The following ANTXRL variants were observed in gnomAD, a reference collection of about 807,000 sequenced individuals.
ANTXRL encodes the protein ANTXR like, also known as anthrax toxin receptor-like.
Under a neutral mutation model 75.4 loss-of-function variants are expected in ANTXRL, and 63 were observed. The ratio of observed to expected loss-of-function variants is 0.84; its 90% confidence interval spans 0.68 to 1.03. The LOEUF is 1.03. ANTXRL is among the 50% of genes least tolerant of loss of function. The probability of loss-of-function intolerance (pLI) is 0.00; values close to 1 mark genes in which losing one functional copy is unlikely to be tolerated. For missense variants in ANTXRL, 797 were observed against 789.4 expected, an observed-to-expected ratio of 1.01 and a Z score of -0.12; for synonymous variants, 335 against 291.3, an observed-to-expected ratio of 1.15 and a Z score of -1.53.
chr10:46,329,995 C>A lies in ANTXRL; in HGVS notation c.1807C>A (p.Pro603Thr). The A allele has an allele frequency of 1.3e-6, 2 of 1,535,554 alleles. No individual in the cohort carries two copies. The highest frequency in any genetic ancestry group is 1.7e-6 in the Non-Finnish European group (2 of 1,146,636). Residue 603 changes from proline (P) to threonine (T), a missense_variant, in exon 17 of 17, where the codon CCC becomes ACC. By Grantham distance (38) the Pro-to-Thr change is conservative. Transcript: ENST00000620264. ...CCCCCCAGCTAGGTGCTTGAGGCCT[C>A]CCTCCAGGATGCTGCCGCTGCTGTC... ...RLPPARCLRP[P>T]SRMLPLLSPL...
intron 16 of ANTXRL, among the ~76,000 whole-genome samples, chr10:46,313,754 T>C (rs1838567061): frequency 6.6e-6 from 1 of 152,200 alleles, no homozygotes; most frequent in Non-Finnish European, 1.5e-5. Context: ...GGCTAAGCCA[T>C]GCTTTCACTG....
At chr10:46,306,909 C>T (rs1838126616) in intron 11 of ANTXRL, 37 bp downstream of exon 11, 23 of 1,484,878 alleles carry the variant, frequency 1.5e-5, no homozygotes, top group Non-Finnish European at 1.9e-5. Flanking sequence ...GGGCAAGAGA[C>T]CAGGGAGTCA....
At chr10:46,317,481 C>T in intron 16 of ANTXRL, among the ~76,000 whole-genome samples, 1 of 152,152 alleles carries the variant, frequency 6.6e-6, no homozygotes, top group East Asian at 1.9e-4. Context: ...GCATTCATGA[C>T]CATGGAGCTC....
Position 46,327,757 on chromosome 10 carries a change from G to A in ANTXRL, c.1411-1842G>A, listed in dbSNP as rs72790494. 4.0e-3 allele frequency among the ~76,000 whole-genome samples: 608 copies of A among 152,254 alleles called. 3 individuals carry two copies. Among genetic ancestry groups the A allele is most frequent in the Middle Eastern group, 0.014 (4 of 294 alleles). Reference sequence around the variant, plus strand: ...GGTCTGTGGAACACCTGTGAGGAATGGAGCGTTTCCTTGGGACCATCAGGC... The same window carrying A: ...GGTCTGTGGAACACCTGTGAGGAATAGAGCGTTTCCTTGGGACCATCAGGC... On this transcript the variant is annotated intron_variant, in intron 16 of 16. Transcript: ENST00000620264.
chr10:46,293,302 G>C (rs1236044912), intron 2 of ANTXRL, among the ~76,000 whole-genome samples: 2 of 55,442 alleles, frequency 3.6e-5, no homozygotes, highest in African/African-American at 9.4e-5. Flanking sequence ...GTGTGCCTGT[G>C]TGTGTGTGCG....
Position 46,306,784 on chromosome 10 carries a change from T to G in ANTXRL, c.896-19T>G. 2 of 1,514,494 alleles carry G rather than the reference T, an allele frequency of 1.3e-6. No homozygotes were observed. The highest frequency in any genetic ancestry group is 1.8e-6 in the Non-Finnish European group (2 of 1,134,052). 93.8% of individuals were successfully genotyped at this position (1,514,494 alleles called of 1,614,324 possible). ...ACAGACAGGTGCACTGACATTCTTCTCATGTCATTTTCTTTTAGATGAAAA... is the reference window on the plus strand; with the variant it reads ...ACAGACAGGTGCACTGACATTCTTCGCATGTCATTTTCTTTTAGATGAAAA... On this transcript the variant is annotated intron_variant, in intron 10 of 16. Transcript: ENST00000620264.
intron 9 of ANTXRL, 101 bp from the exon 10 acceptor site, chr10:46,302,621 G>A: frequency 1.3e-6 from 1 of 794,922 alleles, no homozygotes; most frequent in Non-Finnish European, 2.0e-6. Flanking sequence ...AGGAGCCTCT[G>A]TGAATTCGGT....
intron 3 of ANTXRL, 86 bp downstream of exon 3, chr10:46,293,986 T>A: frequency 1.5e-6 from 2 of 1,315,786 alleles, no homozygotes; most frequent in Non-Finnish European, 2.1e-6. Flanking sequence ...CCGGAGACCT[T>A]GGTTGGGAGC....
At chr10:46,318,581 C>G (rs1330768945) in intron 16 of ANTXRL, among the ~76,000 whole-genome samples, 1 of 152,006 alleles carries the variant, frequency 6.6e-6, no homozygotes, top group Non-Finnish European at 1.5e-5. Flanking sequence ...CTTGCCTTAT[C>G]CAATGTTAAA....
At chr10:46,323,528 A>G (rs1839076206) in intron 16 of ANTXRL, among the ~76,000 whole-genome samples, 1 of 152,134 alleles carries the variant, frequency 6.6e-6, no homozygotes, top group Non-Finnish European at 1.5e-5. Flanking sequence ...AACTTAATAG[A>G]CTTTTCACAG....
intron 16 of ANTXRL, among the ~76,000 whole-genome samples, chr10:46,324,045 A>G (rs1282424311): frequency 6.6e-6 from 1 of 152,162 alleles, no homozygotes; most frequent in Non-Finnish European, 1.5e-5. Flanking sequence ...TCATGTCCCA[A>G]ATAGTGAAAT....
chr10:46,298,232 T>C (rs1554959633), intron 9 of ANTXRL, among the ~76,000 whole-genome samples, 170 bp downstream of exon 9: 1 of 151,250 alleles, frequency 6.6e-6, no homozygotes, highest in Non-Finnish European at 1.5e-5. Context: ...GGTATGTGTG[T>C]ATGTAGTTTG....
intron 9 of ANTXRL, among the ~76,000 whole-genome samples, chr10:46,299,965 G>A (rs1367077285): frequency 1.3e-5 from 2 of 152,176 alleles, no homozygotes; most frequent in Non-Finnish European, 2.9e-5. Context: ...GTCTCTTTCT[G>A]TTCCTCCTGA....
At chr10:46,297,099 G>A (rs1374053577) in intron 5 of ANTXRL, among the ~76,000 whole-genome samples, 153 bp from the exon 6 acceptor site, 1 of 152,144 alleles carries the variant, frequency 6.6e-6, no homozygotes, top group African/African-American at 2.4e-5. Flanking sequence ...CTTGGGTCTT[G>A]GCAGCCTCTC....
intron 1 of ANTXRL, among the ~76,000 whole-genome samples, chr10:46,289,520 G>A (rs1554955997): frequency 6.6e-6 from 1 of 152,098 alleles, no homozygotes; most frequent in African/African-American, 2.4e-5. Flanking sequence ...TTGAGTCTAG[G>A]AGTTCAAGAT....
In ANTXRL at chr10:46,329,944, C is replaced by T. The variant is rs561376939; in HGVS notation, c.1756C>T (p.Leu586Phe). ...CLQPSRECLP[L>F]TCSSRCRLPP... ...TCAACCCAGCCGGGAGTGCCTCCCC[C>T]TCACCTGCTCCTCCAGGTGCCGCCT... Residue 586 changes from leucine (L) to phenylalanine (F), a missense_variant, in exon 17 of 17, where the codon CTC (leucine) becomes TTC (phenylalanine). Coordinates refer to ENST00000620264, the MANE Select transcript of ANTXRL (RefSeq NM_001278688.3). 20 of 1,535,782 alleles carry T rather than the reference C, an allele frequency of 1.3e-5. No individual in the cohort carries two copies. Among genetic ancestry groups the T allele is most frequent in the South Asian group, 2.4e-5 (2 of 84,050 alleles).
At chr10:46,304,855 G>A (rs1554961452) in intron 10 of ANTXRL, among the ~76,000 whole-genome samples, 3 of 151,998 alleles carry the variant, frequency 2.0e-5, no homozygotes, top group Admixed American at 2.0e-4. Flanking sequence ...CTACCTCCGT[G>A]AGTGGCATTC....
intron 3 of ANTXRL, among the ~76,000 whole-genome samples, chr10:46,294,788 C>T (rs1180671530): frequency 6.6e-6 from 1 of 152,028 alleles, no homozygotes; most frequent in Non-Finnish European, 1.5e-5. Context: ...AGGGCATGGC[C>T]TCTTCTGGGT....
intron 5 of ANTXRL, among the ~76,000 whole-genome samples, chr10:46,296,681 G>C (rs1215557459): frequency 7.9e-5 from 12 of 152,276 alleles, no homozygotes; most frequent in Middle Eastern, 3.4e-3. Flanking sequence ...CCACTGTGTT[G>C]CTGCAGCTCT....
Sources: gnomAD v4.1 joint callset for allele counts (sites outside exome capture counted in the v4.1 genomes callset) on GRCh38, gnomAD v4.1.1 for gene constraint, MANE v1.5 for transcripts, NCBI Gene and HGNC (gene_info 2026-07-23, HGNC 2026-07-21) for gene names.